SPNS1: variants seen among roughly 807,000 people sequenced by gnomAD.
SPNS1 encodes SPNS lysolipid transporter 1, lysophospholipid.
Under a neutral mutation model 50.3 loss-of-function variants are expected in SPNS1, and 22 were observed. That is an observed-to-expected ratio of 0.44 (90% CI 0.31 to 0.62). The LOEUF (loss-of-function observed/expected upper bound fraction) is 0.62, where lower values mean the gene tolerates loss of function less well. Ranked by LOEUF, SPNS1 falls within the 20% of genes least tolerant of loss-of-function variation. The pLI is 0.07. For synonymous variants in SPNS1, 295 were observed against 317.4 expected, an observed-to-expected ratio of 0.93 and a Z score of 0.75; for missense variants, 576 against 728.6, an observed-to-expected ratio of 0.79 and a Z score of 2.41.
In SPNS1 at chr16:28,982,881, C is replaced by T; in HGVS notation, c.1180C>T (p.Leu394Phe). The T allele has an allele frequency of 6.2e-7, 1 of 1,613,920 alleles. No homozygotes were observed. Among genetic ancestry groups the T allele is most frequent in the Non-Finnish European group, 8.5e-7 (1 of 1,180,010 alleles). Residue 394 changes from leucine (L) to phenylalanine (F), a missense_variant, in exon 9 of 12, where the codon CTC (leucine) becomes TTC (phenylalanine). Physicochemically the swap from Leu to Phe is conservative, Grantham distance 22. This residue lies in a region of SPNS1 where 428 missense variants were observed against 520.1 expected (regional missense o/e 0.82). Transcript: ENST00000311008. ...GATTTTCATCTTCATTGGAGAGACC[C>T]TCCTGTCCATGAACTGGGCCATCGT... ...TYIFIFIGET[L>F]LSMNWAIVAD... is the part of the protein sequence containing the mutation.
intron 11 of SPNS1, 78 bp from the exon 12 acceptor site, chr16:28,984,127 C>A: frequency 6.8e-7 from 1 of 1,478,506 alleles, no homozygotes; most frequent in Non-Finnish European, 9.1e-7. Flanking sequence ...CCATCCATTT[C>A]CCGCTGCCTG....
At chr16:28,976,161 A>G (rs1201279582) in intron 2 of SPNS1, among the ~76,000 whole-genome samples, 2 of 152,152 alleles carry the variant, frequency 1.3e-5, no homozygotes, top group African/African-American at 2.4e-5. Context: ...AATCCCAGGT[A>G]CTTGGGAGGC....
At chr16:28,975,471 C>T in intron 1 of SPNS1, 21 bp from the exon 2 acceptor site, 1 of 1,614,250 alleles carries the variant, frequency 6.2e-7, no homozygotes, top group Non-Finnish European at 8.5e-7. Context: ...TTTGCCGGAC[C>T]ATCCTGAATT....
intron 3 of SPNS1, chr16:28,978,902 T>G: frequency 1.9e-6 from 1 of 539,256 alleles, no homozygotes; most frequent in South Asian, 2.4e-5. Context: ...TGTCTAGTCC[T>G]TGCAATAGCT....
Position 28,974,867 on chromosome 16 carries a change from A to AG in SPNS1, c.-281dup. ...GTGCAGCGGGCTCCTACCCCGGGTG[A>AG]GGGGTGGCCTCCGCGTGGGATCGTG... On this transcript the variant is annotated 5_prime_UTR_variant, in exon 1 of 12. It removes the in-frame stop codon of an upstream open reading frame in the 5' UTR. Transcript: ENST00000311008. The AG allele has an allele frequency of 6.5e-7, 1 of 1,535,088 alleles. No homozygotes were observed. Among genetic ancestry groups the AG allele is most frequent in the Non-Finnish European group, 8.7e-7 (1 of 1,146,302 alleles).
intron 3 of SPNS1, 51 bp from the exon 4 acceptor site, chr16:28,979,104 G>A (rs150382010): frequency 9.5e-6 from 15 of 1,586,772 alleles, no homozygotes; most frequent in South Asian, 3.4e-5. Flanking sequence ...GAGGTAGCCC[G>A]GAGGCTGGTT....
At position 28,984,308 on chromosome 16, in the gene SPNS1, CG is replaced by C; in HGVS notation, c.*10del. 1 of 1,610,626 alleles carries C rather than the reference CG, an allele frequency of 6.2e-7. No homozygotes were observed. On this transcript the variant is annotated 3_prime_UTR_variant, in exon 12 of 12. Coordinates refer to ENST00000311008, the MANE Select transcript of SPNS1 (RefSeq NM_032038.3). ...CCAGTGTGCTCATCTGAGAGGCTGC[CG>C]CTCACCTACCTGCACATCTGCCACA...
chr16:28,978,946 A>T, intron 3 of SPNS1: 2 of 615,236 alleles, frequency 3.3e-6, no homozygotes, highest in Non-Finnish European at 5.6e-6. Context: ...CCTTTTGCAG[A>T]TGAGGAAACT....
intron 11 of SPNS1, 58 bp downstream of exon 11, chr16:28,984,015 T>C (rs776004267): frequency 6.6e-7 from 1 of 1,515,212 alleles, no homozygotes; most frequent in East Asian, 2.3e-5. Flanking sequence ...TCTGTCCATC[T>C]GTCTGCCCAC....
At chr16:28,984,007 T>C in intron 11 of SPNS1, 50 bp downstream of exon 11, 1 of 1,517,372 alleles carries the variant, frequency 6.6e-7, no homozygotes, top group South Asian at 1.3e-5. Flanking sequence ...CCTGTCTGTC[T>C]GTCCATCTGT....
chr16:28,983,675 C>CT lies in SPNS1; in HGVS notation c.1321-109dup. ...AGCCACTGCATCTAGCTCAAACCTCCTTCCCTTTCCTGGGCTCCACTTGTC... is the reference window on the plus strand; with the variant it reads ...AGCCACTGCATCTAGCTCAAACCTCCTTTCCCTTTCCTGGGCTCCACTTGTC... On this transcript the variant is annotated intron_variant, in intron 10 of 11. Transcript: ENST00000311008. The surrounding 1 kb of genome is among the most constrained non-coding windows in gnomAD (Gnocchi z 5.4). The CT allele has an allele frequency of 7.7e-7, 1 of 1,301,804 alleles. No homozygotes were observed. Among genetic ancestry groups the CT allele is most frequent in the Non-Finnish European group, 1.0e-6 (1 of 955,928 alleles). 80.6% of individuals were successfully genotyped at this position (1,301,804 alleles called of 1,614,324 possible).
rs1381730349 is a variant in SPNS1, at chr16:28,981,808, C to T, written c.810-93C>T. ...AACCACCTCTGCACGGTGTTGTGAC[C>T]TTACTAAAATAAGCCAGGAAGGGAG... On this transcript the variant is annotated intron_variant, in intron 6 of 11. Coordinates refer to ENST00000311008, the MANE Select transcript of SPNS1 (RefSeq NM_032038.3). This position sits in a 1 kb window ranked among gnomAD's most constrained non-coding sequence, Gnocchi z 4.2. 6 of 1,557,960 alleles carry T rather than the reference C, an allele frequency of 3.9e-6. No homozygotes were observed. The highest frequency in any genetic ancestry group is 5.3e-6 in the Non-Finnish European group (6 of 1,139,848).
intron 2 of SPNS1, among the ~76,000 whole-genome samples, chr16:28,976,109 T>G (rs1232538105): frequency 3.3e-5 from 5 of 152,030 alleles, no homozygotes; most frequent in Non-Finnish European, 7.4e-5. Context: ...CCATCTGTAC[T>G]AAAAATACAA....
rs776281003 is a variant in SPNS1 at position 28,981,990 on chromosome 16, G to A, written c.899G>A (p.Arg300His). ...CTGTGGGCTCCGGCATTCCTGCTGC[G>A]TTCCCGCGTGGTCCTTGGGGAGACC... ...LALWAPAFLL[R>H]SRVVLGETPP... The change falls in exon 7 of 12, where the codon CGT becomes CAT. Residue 300 changes from arginine (R) to histidine (H), a missense_variant. Transcript: ENST00000311008. This position sits in a 1 kb window ranked among gnomAD's most constrained non-coding sequence, Gnocchi z 4.2. The A allele has an allele frequency of 6.8e-6, 11 of 1,614,220 alleles. No homozygotes were observed. The highest frequency in any genetic ancestry group is 1.1e-5 in the South Asian group (1 of 91,088).
rs2141674033 is a variant in SPNS1 at position 28,981,616 on chromosome 16, G to GT, written c.809+2dup. Reference sequence around the variant, plus strand: ...CAGATCTGAGGGCTCTGGCAAGAAAGTGAGTTTATTCCCACCCTAGACCAC... The same window carrying GT: ...CAGATCTGAGGGCTCTGGCAAGAAAGTTGAGTTTATTCCCACCCTAGACCAC... On this transcript the variant is annotated splice_donor_variant, in intron 6 of 11. Transcript: ENST00000311008. LOFTEE classifies it high-confidence loss of function. The surrounding 1 kb of genome is among the most constrained non-coding windows in gnomAD (Gnocchi z 4.2). The GT allele has an allele frequency of 6.2e-7, 1 of 1,613,866 alleles. No individual in the cohort carries two copies. Among genetic ancestry groups the GT allele is most frequent in the East Asian group, 2.2e-5 (1 of 44,892 alleles).
Position 28,983,161 on chromosome 16 carries a change from C to T in SPNS1, c.1222-31C>T. ...GCCTCCTGCCCCCTGGAGCCCAGAG[C>T]ATCCACTGAGCTCCACCAACTCCTC... On this transcript the variant is annotated intron_variant, in intron 9 of 11. Transcript: ENST00000311008. The surrounding 1 kb of genome is among the most constrained non-coding windows in gnomAD (Gnocchi z 5.4). 1 of 1,523,906 alleles carries T rather than the reference C, an allele frequency of 6.6e-7. No individual in the cohort carries two copies. The highest frequency in any genetic ancestry group is 9.1e-7 in the Non-Finnish European group (1 of 1,098,672). 94.4% of individuals were successfully genotyped at this position (1,523,906 alleles called of 1,614,324 possible). A position where few individuals can be genotyped will look rare whatever the true frequency, so the allele number is the denominator to read the frequency against.
chr16:28,977,458 G>A (rs1422114171), intron 2 of SPNS1, among the ~76,000 whole-genome samples: 1 of 152,184 alleles, frequency 6.6e-6, no homozygotes, highest in Non-Finnish European at 1.5e-5. Context: ...TGAAGTTTCA[G>A]GGGGAGAGGA....
In SPNS1 at chr16:28,983,618, C is replaced by T. The variant is rs1433137200; in HGVS notation, c.1321-168C>T. On this transcript the variant is annotated intron_variant, in intron 10 of 11. Coordinates refer to ENST00000311008, the MANE Select transcript of SPNS1 (RefSeq NM_032038.3). This position sits in a 1 kb window ranked among gnomAD's most constrained non-coding sequence, Gnocchi z 5.4. ...CTGGGCTCAAGCGATCCTCCCACCT[C>T]AGCCTCCTGAGTAGCTGGGATGATA... 6.6e-6 allele frequency among the ~76,000 whole-genome samples: 1 copy of T among 152,174 alleles called. No individual in the cohort carries two copies. Among genetic ancestry groups the T allele is most frequent in the East Asian group, 1.9e-4 (1 of 5,188 alleles).
At position 28,983,300 on chromosome 16, in the gene SPNS1, A is replaced by G. The variant is rs1473700368; in HGVS notation, c.1320+10A>G. ...CTACCTCATTGGCCTGGTGAGCATTATTTCTTGGCTGGCATGGGGTGGCTG... is the reference window on the plus strand; with the variant it reads ...CTACCTCATTGGCCTGGTGAGCATTGTTTCTTGGCTGGCATGGGGTGGCTG... On this transcript the variant is annotated intron_variant, in intron 10 of 11. Transcript: ENST00000311008. This position sits in a 1 kb window ranked among gnomAD's most constrained non-coding sequence, Gnocchi z 5.4. 1.9e-6 allele frequency: 3 copies of G among 1,611,164 alleles called. No individual in the cohort carries two copies. The highest frequency in any genetic ancestry group is 1.7e-6 in the Non-Finnish European group (2 of 1,177,394).
Sources: gnomAD v4.1 joint callset for allele counts (sites outside exome capture counted in the v4.1 genomes callset) on GRCh38, gnomAD v4.1.1 for gene constraint, gnomAD v4.1.1 regional missense constraint, Gnocchi (gnomAD v3.1) non-coding constraint, MANE v1.5 for transcripts, NCBI Gene and HGNC (gene_info 2026-07-23, HGNC 2026-07-21) for gene names.